Variants in PCBP3 observed in about 807,000 individuals in gnomAD.
The protein encoded by PCBP3 is poly(rC) binding protein 3.
Under a neutral mutation model 52.7 loss-of-function variants are expected in PCBP3, and 25 were observed. The observed-to-expected ratio is 0.47, with a 90% CI of 0.35 to 0.66. The LOEUF (loss-of-function observed/expected upper bound fraction) is 0.66, where lower values mean the gene tolerates loss of function less well. Ranked by LOEUF, PCBP3 falls within the 30% of genes least tolerant of loss-of-function variation. PCBP3 has a pLI of 0.01. For missense variants in PCBP3, 391 were observed against 490.3 expected, an observed-to-expected ratio of 0.80 and a Z score of 1.91; for synonymous variants, 162 against 183.0, an observed-to-expected ratio of 0.89 and a Z score of 0.93.
intron 1 of PCBP3, among the ~76,000 whole-genome samples, chr21:45,659,337 C>CTTTTTTTT (rs36113182): frequency 6.4e-5 from 5 of 78,734 alleles, no homozygotes; most frequent in Non-Finnish European, 9.9e-5. Flanking sequence ...TTTTACTTTC[C>CTTTTTTTT]TTTTTTTTTT....
intron 5 of PCBP3, among the ~76,000 whole-genome samples, chr21:45,890,575 G>T (rs2095629829): frequency 6.8e-6 from 1 of 146,138 alleles, no homozygotes; most frequent in African/African-American, 2.6e-5. Flanking sequence ...GTAGATAATA[G>T]AACCTGGAAC....
intron 5 of PCBP3, among the ~76,000 whole-genome samples, chr21:45,863,462 T>C (rs3788209): frequency 0.14 from 22,003 of 152,212 alleles, 1,761 homozygotes; most frequent in Middle Eastern, 0.29. Context: ...CGCCGGGCTG[T>C]TGAGTCGCCC....
chr21:45,857,723 C>T (rs987953626), intron 5 of PCBP3, among the ~76,000 whole-genome samples: 1 of 152,218 alleles, frequency 6.6e-6, no homozygotes, highest in African/African-American at 2.4e-5. Context: ...TGGTCACTCA[C>T]ATTTGGCTCA....
chr21:45,840,301 T>G (rs57688476), intron 4 of PCBP3, among the ~76,000 whole-genome samples: 1 of 150,874 alleles, frequency 6.6e-6, no homozygotes, highest in African/African-American at 2.4e-5. Flanking sequence ...AAAAAAATTT[T>G]AAAAAATTAG....
intron 3 of PCBP3, among the ~76,000 whole-genome samples, chr21:45,743,383 G>GTT (rs1008092986): frequency 6.6e-6 from 1 of 152,168 alleles, no homozygotes; most frequent in African/African-American, 2.4e-5. Context: ...AGCTACAGAA[G>GTT]TTTTCTTTTA....
At chr21:45,840,737 C>T (rs914827555) in intron 4 of PCBP3, among the ~76,000 whole-genome samples, 6 of 152,144 alleles carry the variant, frequency 3.9e-5, no homozygotes, top group Middle Eastern at 3.2e-3. Context: ...GGTCTTCCCA[C>T]CTTAGCTTCC....
At chr21:45,670,885 GC>G (rs2081127758) in intron 2 of PCBP3, among the ~76,000 whole-genome samples, 1 of 152,130 alleles carries the variant, frequency 6.6e-6, no homozygotes, top group Non-Finnish European at 1.5e-5. Flanking sequence ...TGGTGATTCG[GC>G]CCAGCTCCTC....
chr21:45,930,585 G>A (rs1327628190), intron 14 of PCBP3, among the ~76,000 whole-genome samples: 3 of 152,114 alleles, frequency 2.0e-5, no homozygotes, highest in African/African-American at 7.2e-5. Flanking sequence ...GCAGCGCCAT[G>A]CCTGTGGACA....
At chr21:45,784,466 A>T (rs2090939027) in intron 4 of PCBP3, among the ~76,000 whole-genome samples, 1 of 137,060 alleles carries the variant, frequency 7.3e-6, no homozygotes, top group Admixed American at 7.5e-5. Flanking sequence ...CCTACCTCCT[A>T]CCTCCTACCT....
chr21:45,695,946 G>A (rs181558869), intron 2 of PCBP3, among the ~76,000 whole-genome samples: 1 of 151,906 alleles, frequency 6.6e-6, no homozygotes, highest in East Asian at 1.9e-4. Context: ...TGACGTGGTG[G>A]CACACACCTG....
chr21:45,913,723 G>A (rs2096449985), intron 11 of PCBP3, among the ~76,000 whole-genome samples: 1 of 152,210 alleles, frequency 6.6e-6, no homozygotes, highest in African/African-American at 2.4e-5. Context: ...CCAGGGCTCA[G>A]CAAAAAGGAG....
At chr21:45,890,850 G>C (rs1035389433) in intron 5 of PCBP3, among the ~76,000 whole-genome samples, 4 of 150,708 alleles carry the variant, frequency 2.7e-5, no homozygotes, top group Non-Finnish European at 5.9e-5. Context: ...ACTCTGCACT[G>C]CTGCGGGGAA....
intron 5 of PCBP3, among the ~76,000 whole-genome samples, chr21:45,877,148 G>A (rs1413968055): frequency 6.6e-6 from 1 of 152,198 alleles, no homozygotes; most frequent in Non-Finnish European, 1.5e-5. Flanking sequence ...GGTCTGACGG[G>A]ATGTCATTCA....
intron 2 of PCBP3, among the ~76,000 whole-genome samples, chr21:45,692,851 C>T (rs1335981880): frequency 2.0e-5 from 3 of 152,120 alleles, no homozygotes; most frequent in Non-Finnish European, 4.4e-5. Flanking sequence ...ACTAATATTC[C>T]TCATGTAACT....
intron 4 of PCBP3, among the ~76,000 whole-genome samples, chr21:45,832,032 T>C (rs1293744841): frequency 6.6e-6 from 1 of 152,064 alleles, no homozygotes; most frequent in East Asian, 1.9e-4. Context: ...ATTAAGAAGG[T>C]AAAGGGATAA....
chr21:45,787,999 G>A (rs1053255942), intron 4 of PCBP3, among the ~76,000 whole-genome samples: 9 of 152,218 alleles, frequency 5.9e-5, no homozygotes, highest in Admixed American at 1.3e-4. Flanking sequence ...GGAGACCTAC[G>A]GGGGAAGATG....
rs9977623 is a variant in PCBP3 at position 45,788,141 on chromosome 21, T to G, written c.-126+32689T>G. On this transcript the variant is annotated intron_variant, in intron 4 of 17. Transcript: ENST00000681687. The surrounding 1 kb of genome is among the most constrained non-coding windows in gnomAD (Gnocchi z 4.3). ...ATCGTGTCTGACCATTTCTGGAGGA[T>G]GCAGTACTGAATTCAAGTAACAAGG... Among the ~76,000 whole-genome samples the G allele has an allele frequency of 4.6e-3, 696 of 152,222 alleles. 6 individuals carry two copies. The highest frequency in any genetic ancestry group is 0.016 in the African/African-American group (659 of 41,524).
chr21:45,748,571 C>G (rs191528897), intron 3 of PCBP3, among the ~76,000 whole-genome samples: 72 of 152,356 alleles, frequency 4.7e-4, no homozygotes, highest in African/African-American at 1.6e-3. Context: ...CTTTACCCAC[C>G]TGTTTCCCAG....
At chr21:45,713,025 G>A (rs961237959) in intron 2 of PCBP3, among the ~76,000 whole-genome samples, 13 of 152,144 alleles carry the variant, frequency 8.5e-5, no homozygotes, top group African/African-American at 3.1e-4. Flanking sequence ...TTACCTGGCC[G>A]AGGGTTGCTC....
Sources: gnomAD v4.1 joint callset for allele counts (sites outside exome capture counted in the v4.1 genomes callset) on GRCh38, gnomAD v4.1.1 for gene constraint, Gnocchi (gnomAD v3.1) non-coding constraint, MANE v1.5 for transcripts, NCBI Gene and HGNC (gene_info 2026-07-23, HGNC 2026-07-21) for gene names.